The following RNF130 variants were observed in gnomAD, a reference collection of about 807,000 sequenced individuals.
The protein encoded by RNF130 is ring finger protein 130, also known as E3 ubiquitin-protein ligase RNF130.
In RNF130, 21 loss-of-function variants were observed where a neutral mutation model predicts 44.6. That is an observed-to-expected ratio of 0.47 (90% CI 0.33 to 0.68). The LOEUF (loss-of-function observed/expected upper bound fraction) is 0.68. Among genes scored for constraint, RNF130 ranks in the 30% least tolerant of loss-of-function variants. RNF130 has a pLI of 0.02. For missense variants in RNF130, 479 were observed against 560.6 expected, an observed-to-expected ratio of 0.85 and a Z score of 1.47; for synonymous variants, 214 against 210.4, an observed-to-expected ratio of 1.02 and a Z score of -0.15.
rs1461146007 is a variant in RNF130 at position 180,057,186 on chromosome 5, T to C, written c.247+14270A>G. 2.0e-5 allele frequency among the ~76,000 whole-genome samples: 3 copies of C among 152,276 alleles called. No individual in the cohort carries two copies. In the East Asian group the frequency reaches 5.8e-4, roughly 29 times the overall value. ...AACTTTCAGCCCAACTCCCAGCCCC[T>C]CAAACCTCTGGGGAGGGGCAAGGGG... On this transcript the variant is annotated intron_variant, in intron 1 of 8. Transcript: ENST00000521389.
intron 7 of RNF130, among the ~76,000 whole-genome samples, chr5:179,943,066 G>A (rs987207244): frequency 1.3e-5 from 2 of 152,150 alleles, no homozygotes; most frequent in South Asian, 2.1e-4. Flanking sequence ...GTGGTGGCAC[G>A]TGCCTGTAGT....
intron 2 of RNF130, among the ~76,000 whole-genome samples, chr5:180,020,563 C>T (rs1225812765): frequency 2.0e-5 from 3 of 152,180 alleles, no homozygotes; most frequent in Admixed American, 6.5e-5. Flanking sequence ...TTCCTGAGGA[C>T]AGTGGGCTAC....
At chr5:179,941,595 T>C (rs901152988) in intron 7 of RNF130, among the ~76,000 whole-genome samples, 4 of 152,214 alleles carry the variant, frequency 2.6e-5, no homozygotes, top group Non-Finnish European at 4.4e-5. Context: ...TAGTCACTGC[T>C]TATGAACTGG....
chr5:179,971,256 C>A (rs1201834057), intron 5 of RNF130, among the ~76,000 whole-genome samples: 1 of 152,170 alleles, frequency 6.6e-6, no homozygotes, highest in Non-Finnish European at 1.5e-5. Context: ...GGCCCAGCAG[C>A]CTTCTGAAGC....
intron 7 of RNF130, among the ~76,000 whole-genome samples, chr5:179,925,373 G>A (rs942021824): frequency 6.6e-5 from 10 of 152,198 alleles, no homozygotes; most frequent in Non-Finnish European, 1.3e-4. Context: ...AGCTAAACAC[G>A]TAGAGGTACC....
chr5:179,998,070 G>C (rs567727403), intron 3 of RNF130, among the ~76,000 whole-genome samples: 42 of 150,356 alleles, frequency 2.8e-4, no homozygotes, highest in African/African-American at 1.0e-3. Flanking sequence ...TTGATCTCTT[G>C]ACCTCGTGAT....
chr5:179,936,328 C>T (rs1412898498), intron 7 of RNF130, among the ~76,000 whole-genome samples: 3 of 152,150 alleles, frequency 2.0e-5, no homozygotes, highest in Admixed American at 1.3e-4. Flanking sequence ...TCTTGAACTC[C>T]TGAGCTCAAG....
chr5:179,999,345 C>A (rs752520458), intron 3 of RNF130, among the ~76,000 whole-genome samples: 1 of 152,080 alleles, frequency 6.6e-6, no homozygotes, highest in Non-Finnish European at 1.5e-5. Context: ...CAAGTACAGC[C>A]ACTCCTGCTT....
chr5:179,970,284 G>C (rs530701819), intron 6 of RNF130, 126 bp downstream of exon 6: 10 of 636,996 alleles, frequency 1.6e-5, no homozygotes, highest in East Asian at 1.4e-4. Flanking sequence ...TGGTTACATG[G>C]CAAATATAGC....
At chr5:180,047,432 GT>G (rs1764590517) in intron 1 of RNF130, among the ~76,000 whole-genome samples, 1 of 152,020 alleles carries the variant, frequency 6.6e-6, no homozygotes, top group Admixed American at 6.6e-5. Context: ...GCTTCATTGG[GT>G]GTTTAGTCTT....
chr5:180,014,369 G>T (rs1389151583), intron 2 of RNF130, among the ~76,000 whole-genome samples: 1 of 152,174 alleles, frequency 6.6e-6, no homozygotes, highest in African/African-American at 2.4e-5. Context: ...AGCTGAAGCT[G>T]CCGGTGGCAA....
chr5:180,030,695 C>G (rs1012120864), intron 2 of RNF130, among the ~76,000 whole-genome samples: 2 of 152,164 alleles, frequency 1.3e-5, no homozygotes, highest in Admixed American at 6.5e-5. Context: ...TGCAATTAAT[C>G]TTCATGCCCA....
chr5:179,913,308 C>T (rs1761495399), exon 8 of RNF130: 1 of 151,568 alleles, frequency 6.6e-6, no homozygotes, highest in Admixed American at 6.6e-5. Context: ...CCAGCAGCAC[C>T]GAATCCTTCT....
At chr5:179,950,771 G>T (rs181078514), downstream of RNF130, among the ~76,000 whole-genome samples, 61 of 152,298 alleles carry the variant, frequency 4.0e-4, no homozygotes, top group African/African-American at 1.3e-3. Context: ...AGCACATTAA[G>T]TTAGTAGAAA....
intron 1 of RNF130, among the ~76,000 whole-genome samples, chr5:180,070,837 C>G (rs1281212355): frequency 6.6e-6 from 1 of 152,142 alleles, no homozygotes; most frequent in Admixed American, 6.5e-5. Flanking sequence ...GGTCGGCACC[C>G]GTGACCTGAA....
chr5:179,968,667 TAAAAAA>T (rs35941932), intron 6 of RNF130, among the ~76,000 whole-genome samples: 2 of 68,106 alleles, frequency 2.9e-5, no homozygotes, highest in African/African-American at 4.6e-5. Flanking sequence ...CTCTGTCTCA[TAAAAAA>T]AAAAAAAAAA....
At position 179,955,646 on chromosome 5, in the gene RNF130, T is replaced by C. The variant is rs1348688544; in HGVS notation, c.*8A>G. 1.3e-6 allele frequency: 2 copies of C among 1,586,722 alleles called. No homozygotes were observed. The highest frequency in any genetic ancestry group is 1.4e-5 in the African/African-American group (1 of 73,706). ...GCAAAATCAGTCAGAAAGCAGGTTT[T>C]TTCTTCTTCAAAACCATTCTACCCT... On this transcript the variant is annotated 3_prime_UTR_variant, in exon 9 of 9. Transcript: ENST00000521389.
At chr5:179,948,710 A>G (rs1186106890) in intron 7 of RNF130, among the ~76,000 whole-genome samples, 2 of 152,148 alleles carry the variant, frequency 1.3e-5, no homozygotes, top group Non-Finnish European at 2.9e-5. Flanking sequence ...GAGTCTTGAT[A>G]AGGAACTTGG....
chr5:180,068,639 C>G (rs745396963), intron 1 of RNF130, among the ~76,000 whole-genome samples: 1 of 152,208 alleles, frequency 6.6e-6, no homozygotes, highest in African/African-American at 2.4e-5. Context: ...GAAATTCACA[C>G]GTGCCAAACT....
Sources: gnomAD v4.1 joint callset for allele counts (sites outside exome capture counted in the v4.1 genomes callset) on GRCh38, gnomAD v4.1.1 for gene constraint, MANE v1.5 for transcripts, NCBI Gene and HGNC (gene_info 2026-07-23, HGNC 2026-07-21) for gene names.